The following FANK1 variants were observed in gnomAD, a reference collection of about 807,000 sequenced individuals.
FANK1 encodes the protein fibronectin type 3 and ankyrin repeat domains protein 1.
A neutral mutation model predicts 45.3 loss-of-function variants in FANK1; 44 were observed. The observed-to-expected ratio is 0.97, with a 90% CI of 0.76 to 1.25. FANK1 has a LOEUF of 1.25. FANK1 is among the 50% of genes most tolerant of loss of function. FANK1 has a pLI of 0.00. For missense variants in FANK1, 391 were observed against 424.4 expected (o/e 0.92, Z 0.69); for synonymous variants, 149 against 152.5 (o/e 0.98, Z 0.17).
At chr10:125,997,393 A>C in intron 5 of FANK1, 27 bp from the exon 6 acceptor site, 1 of 1,605,418 alleles carries the variant, frequency 6.2e-7, no homozygotes, top group East Asian at 2.2e-5. Flanking sequence ...TGACTTATCT[A>C]GCTACACTTA....
chr10:125,908,482 A>G (rs533481904), intron 1 of FANK1, among the ~76,000 whole-genome samples: 78 of 152,350 alleles, frequency 5.1e-4, no homozygotes, highest in African/African-American at 1.8e-3. Context: ...GACTTGTTCT[A>G]CGTTAAGTAA....
In FANK1 at chr10:125,989,314, G is replaced by A. The variant is rs1951773614; in HGVS notation, c.316+639G>A. The stretch of plus-strand genomic sequence containing the variant: ...TGAGCAAGAGCCTTGTAAAAATTAG[G>A]ATGGTCACAAGTGTTCTCCACGGCC... On this transcript the variant is annotated intron_variant, in intron 3 of 10. Coordinates refer to ENST00000368693, the MANE Select transcript of FANK1 (RefSeq NM_145235.5). 4.5e-6 allele frequency: 7 copies of A among 1,550,784 alleles called. No homozygotes were observed. In the South Asian group the frequency reaches 6.0e-5, roughly 13 times the overall value.
intron 1 of FANK1, among the ~76,000 whole-genome samples, chr10:125,927,462 C>T (rs1303848846): frequency 6.6e-6 from 1 of 152,148 alleles, no homozygotes; most frequent in East Asian, 1.9e-4. Flanking sequence ...TTCAGTTTTA[C>T]TAATATTGCA....
chr10:125,931,476 G>A (rs1000790902), intron 1 of FANK1, among the ~76,000 whole-genome samples: 2 of 152,048 alleles, frequency 1.3e-5, no homozygotes, highest in South Asian at 2.1e-4. Flanking sequence ...AGTGATGTTG[G>A]GCATTTTTTC....
intron 3 of FANK1, chr10:125,994,592 G>A (rs1952179655): frequency 1.0e-6 from 1 of 985,270 alleles, no homozygotes; most frequent in African/African-American, 1.7e-5. Flanking sequence ...GCTATTCGAA[G>A]TGCTTCATTG....
At chr10:125,912,748 A>G (rs1426802147) in intron 1 of FANK1, among the ~76,000 whole-genome samples, 2 of 152,166 alleles carry the variant, frequency 1.3e-5, no homozygotes, top group East Asian at 3.9e-4. Context: ...AGCAATTCTC[A>G]TGCCTCAGCC....
At chr10:125,910,269 T>C (rs1945883796) in intron 1 of FANK1, among the ~76,000 whole-genome samples, 1 of 152,244 alleles carries the variant, frequency 6.6e-6, no homozygotes, top group Non-Finnish European at 1.5e-5. Context: ...TAAAGAGTCC[T>C]ACAATGGGTA....
intron 1 of FANK1, among the ~76,000 whole-genome samples, chr10:125,933,679 GT>G (rs1947896164): frequency 6.6e-6 from 1 of 151,966 alleles, no homozygotes; most frequent in African/African-American, 2.4e-5. Flanking sequence ...CTGGGTTTGG[GT>G]TTGGTTTGTT....
chr10:125,997,359 A>G (rs1043998965), intron 5 of FANK1, 61 bp from the exon 6 acceptor site: 38 of 1,375,432 alleles, frequency 2.8e-5, no homozygotes, highest in South Asian at 1.3e-4. Context: ...TTACTGGACT[A>G]TTGTGGGTTC....
chr10:125,903,431 C>G (rs1467287793), intron 1 of FANK1, among the ~76,000 whole-genome samples: 1 of 152,270 alleles, frequency 6.6e-6, no homozygotes, highest in Non-Finnish European at 1.5e-5. Context: ...AAGGCCAGTT[C>G]CTTTTGCTGT....
intron 1 of FANK1, among the ~76,000 whole-genome samples, chr10:125,926,966 G>A (rs1947388262): frequency 6.6e-6 from 1 of 152,196 alleles, no homozygotes; most frequent in Non-Finnish European, 1.5e-5. Flanking sequence ...CCTAAGAAAT[G>A]GATATGACCA....
At chr10:125,917,012 C>G (rs1433337870) in intron 1 of FANK1, among the ~76,000 whole-genome samples, 2 of 152,162 alleles carry the variant, frequency 1.3e-5, no homozygotes, top group Admixed American at 1.3e-4. Flanking sequence ...CCTTTTTGTC[C>G]TCTCACAATT....
intron 6 of FANK1, among the ~76,000 whole-genome samples, chr10:125,998,304 C>T (rs565330038): frequency 3.8e-4 from 58 of 152,350 alleles, no homozygotes; most frequent in Admixed American, 7.8e-4. Flanking sequence ...CAACTAACTT[C>T]TCAAATCAGA....
At chr10:125,991,392 C>T (rs1167205162) in intron 3 of FANK1, among the ~76,000 whole-genome samples, 2 of 152,070 alleles carry the variant, frequency 1.3e-5, no homozygotes, top group Non-Finnish European at 2.9e-5. Flanking sequence ...GATCAGGTGT[C>T]CTCCTCCTCC....
rs894084689 is a variant in FANK1, at chr10:125,983,687, G to A, written c.191+3349G>A. Among the ~76,000 whole-genome samples the A allele has an allele frequency of 1.3e-5, 2 of 152,162 alleles. No homozygotes were observed. The highest frequency in any genetic ancestry group is 4.8e-5 in the African/African-American group (2 of 41,420). On this transcript the variant is annotated intron_variant, in intron 2 of 10. Coordinates refer to ENST00000368693, the MANE Select transcript of FANK1 (RefSeq NM_145235.5). The surrounding 1 kb of genome is among the most constrained non-coding windows in gnomAD (Gnocchi z 4.3). ...CCTGGCTGGTCCCAGGAGCATTGAG[G>A]AACAGAGGGAACAAGGAGGAAAATA...
chr10:125,901,063 C>G (rs1718482668), intron 1 of FANK1, among the ~76,000 whole-genome samples: 1 of 152,084 alleles, frequency 6.6e-6, no homozygotes, highest in South Asian at 2.1e-4. Flanking sequence ...CCCCATTGGC[C>G]TCCCGAGTAG....
intron 1 of FANK1, among the ~76,000 whole-genome samples, chr10:125,946,434 C>A (rs965813653): frequency 2.6e-5 from 4 of 151,594 alleles, no homozygotes; most frequent in African/African-American, 4.8e-5. Flanking sequence ...GAGCTGAAAA[C>A]CAAGGCTCGA....
At chr10:125,897,010 T>A (rs1235580205) in intron 1 of FANK1, among the ~76,000 whole-genome samples, 3 of 152,294 alleles carry the variant, frequency 2.0e-5, no homozygotes, top group Admixed American at 2.0e-4. Context: ...TTTAGTTTGG[T>A]AGTTTGGTTC....
At chr10:125,922,489 C>T (rs912492476) in intron 1 of FANK1, among the ~76,000 whole-genome samples, 1 of 152,208 alleles carries the variant, frequency 6.6e-6, no homozygotes, top group Non-Finnish European at 1.5e-5. Context: ...ATACGCCATC[C>T]TGGCCAGCAT....
Sources: gnomAD v4.1 joint callset for allele counts (sites outside exome capture counted in the v4.1 genomes callset) on GRCh38, gnomAD v4.1.1 for gene constraint, Gnocchi (gnomAD v3.1) non-coding constraint, MANE v1.5 for transcripts, NCBI Gene and HGNC (gene_info 2026-07-23, HGNC 2026-07-21) for gene names.